Variants in MED23 observed in about 807,000 individuals in gnomAD.
MED23 encodes mediator complex subunit 23.
Under a neutral mutation model 163.9 loss-of-function variants are expected in MED23, and 105 were observed. The ratio of observed to expected loss-of-function variants is 0.64; its 90% CI spans 0.55 to 0.75. The LOEUF (loss-of-function observed/expected upper bound fraction) is 0.75, where lower values mean the gene tolerates loss of function less well. MED23 is among the 30% of genes least tolerant of loss of function. MED23 has a pLI of 0.00. For synonymous variants in MED23, 561 were observed against 565.6 expected (o/e 0.99, Z 0.12); for missense variants, 1,054 against 1,649.0 (o/e 0.64, Z 6.25).
chr6:131,592,416 G>A lies in MED23; in HGVS notation c.3443C>T (p.Ala1148Val). 1 of 1,613,926 alleles carries A rather than the reference G, an allele frequency of 6.2e-7. No homozygotes were observed. Among genetic ancestry groups the A allele is most frequent in the Non-Finnish European group, 8.5e-7 (1 of 1,179,940 alleles). The change falls in exon 25 of 29, where the codon GCA (alanine) becomes GTA (valine). Residue 1148 changes from alanine to valine, a missense_variant. Transcript: ENST00000368068. Reference protein sequence around the residue: ...PRENITAWMNAIGLIITALPE... With the variant: ...PRENITAWMNVIGLIITALPE... ...TAGGGCAGTGATGATCAAACCAATT[G>A]CATTCATCCATGCTGTAATGTTCTC...
At chr6:131,605,199 C>G (rs564045731) in intron 14 of MED23, 41 bp downstream of exon 14, 11 of 1,601,178 alleles carry the variant, frequency 6.9e-6, no homozygotes, top group Non-Finnish European at 8.6e-6. Flanking sequence ...ATACTCGTAT[C>G]AATTCCCTGA....
In MED23 at chr6:131,622,185, G is replaced by A. The variant is rs566734636; in HGVS notation, c.397-206C>T. On this transcript the variant is annotated intron_variant, in intron 5 of 28. Coordinates refer to ENST00000368068, the MANE Select transcript of MED23 (RefSeq NM_004830.4). The stretch of plus-strand genomic sequence containing the variant: ...TAAAGACTGTCTTAAAATACAATGA[G>A]CAAAGAAAGTCATTATACAGTTTGT... Among the ~76,000 whole-genome samples the A allele has an allele frequency of 3.3e-5, 5 of 152,246 alleles. No individual in the cohort carries two copies. The East Asian group carries it at 9.6e-4, about 29-fold the overall frequency.
downstream of MED23, chr6:131,583,099 G>A: frequency 1.9e-6 from 3 of 1,613,772 alleles, no homozygotes; most frequent in Non-Finnish European, 1.7e-6. Context: ...ACTTTTCAAT[G>A]ACTGAAGTGG....
downstream of MED23, chr6:131,583,487 A>C (rs111253965): frequency 8.4e-5 from 136 of 1,614,106 alleles, 2 homozygotes; most frequent in African/African-American, 1.6e-3. Flanking sequence ...AAATCTACAA[A>C]ACAGGTAGTT....
chr6:131,582,808 C>A, downstream of MED23: 1 of 1,031,772 alleles, frequency 9.7e-7, no homozygotes, highest in Non-Finnish European at 1.5e-6. Context: ...GAAAATTAAA[C>A]ATCAAGACAC....
At chr6:131,619,140 G>C (rs1416319450) in intron 8 of MED23, among the ~76,000 whole-genome samples, 6 of 152,088 alleles carry the variant, frequency 3.9e-5, no homozygotes, top group Admixed American at 3.9e-4. Context: ...TTCACTACAT[G>C]ATATCAATAT....
chr6:131,602,422 A>C, intron 16 of MED23, 41 bp from the exon 17 acceptor site: 1 of 1,572,808 alleles, frequency 6.4e-7, no homozygotes, highest in Non-Finnish European at 8.7e-7. Flanking sequence ...AAAAAATTTC[A>C]GAATTATGGA....
At chr6:131,595,002 T>C (rs1218156607) in intron 22 of MED23, among the ~76,000 whole-genome samples, 2 of 152,190 alleles carry the variant, frequency 1.3e-5, no homozygotes, top group Non-Finnish European at 2.9e-5. Flanking sequence ...AAAATGTTTT[T>C]AAAAGAACGC....
chr6:131,624,492 T>C (rs1304127533), intron 4 of MED23, among the ~76,000 whole-genome samples: 1 of 152,188 alleles, frequency 6.6e-6, no homozygotes, highest in East Asian at 1.9e-4. Flanking sequence ...TCACAATCAT[T>C]ATGACCTTGA....
At chr6:131,615,288 G>A (rs749484265) in intron 10 of MED23, 7 of 1,607,492 alleles carry the variant, frequency 4.4e-6, no homozygotes, top group South Asian at 2.2e-5. Context: ...CCAGCGTATC[G>A]TTAGTCACAA....
At chr6:131,608,723 A>G (rs1307030459) in intron 11 of MED23, among the ~76,000 whole-genome samples, 1 of 152,150 alleles carries the variant, frequency 6.6e-6, no homozygotes, top group African/African-American at 2.4e-5. Flanking sequence ...TGTACATTAT[A>G]ACAGAAACTA....
Position 131,594,349 on chromosome 6 carries a change from A to G in MED23, c.2996-14T>C. ...TCACTGGACGATCTGCCAAGAAAAAAACATACCACCACAATGTTTAACTGG... is the reference window on the plus strand; with the variant it reads ...TCACTGGACGATCTGCCAAGAAAAAGACATACCACCACAATGTTTAACTGG... On this transcript the variant is annotated splice_polypyrimidine_tract_variant and intron_variant, in intron 22 of 28. Transcript: ENST00000368068. The G allele has an allele frequency of 6.4e-7, 1 of 1,568,570 alleles. No homozygotes were observed. Among genetic ancestry groups the G allele is most frequent in the Non-Finnish European group, 8.8e-7 (1 of 1,138,456 alleles).
chr6:131,602,196 T>G, intron 17 of MED23, 22 bp downstream of exon 17: 3 of 1,611,788 alleles, frequency 1.9e-6, no homozygotes, highest in Non-Finnish European at 2.5e-6. Flanking sequence ...TGTTGTTGTT[T>G]GTAGTCACAT....
downstream of MED23, among the ~76,000 whole-genome samples, chr6:131,582,068 T>C (rs1264621807): frequency 6.6e-6 from 1 of 152,224 alleles, no homozygotes; most frequent in African/African-American, 2.4e-5. Context: ...TTGGTCCTTA[T>C]GATGATACAA....
At chr6:131,622,884 T>C (rs535695720) in intron 5 of MED23, among the ~76,000 whole-genome samples, 1 of 152,168 alleles carries the variant, frequency 6.6e-6, no homozygotes, top group South Asian at 2.1e-4. Context: ...CCCTAAGCCG[T>C]TTTATGAGAC....
chr6:131,583,991 C>T, downstream of MED23: 2 of 1,474,338 alleles, frequency 1.4e-6, no homozygotes, highest in Non-Finnish European at 1.9e-6. Context: ...AGTTATCCTT[C>T]TAAAGACTTG....
chr6:131,597,296 G>A (rs976339046), intron 20 of MED23, among the ~76,000 whole-genome samples: 1 of 151,808 alleles, frequency 6.6e-6, no homozygotes, highest in Non-Finnish European at 1.5e-5. Context: ...CTAACACGGT[G>A]AAACCCCATC....
chr6:131,620,052 C>T (rs1272522695), intron 7 of MED23, among the ~76,000 whole-genome samples, 156 bp from the exon 8 acceptor site: 1 of 152,134 alleles, frequency 6.6e-6, no homozygotes, highest in Non-Finnish European at 1.5e-5. Flanking sequence ...TTGCTTCCTT[C>T]TAAAAAATCA....
Position 131,596,531 on chromosome 6 carries a change from A to G in MED23, c.2765T>C (p.Met922Thr). Reference sequence around the variant, plus strand: ...TAGGACTAGTACCTTGTGATAATTCATGTGCTTGGTGTGCCAGTCATTCTG... The same window carrying G: ...TAGGACTAGTACCTTGTGATAATTCGTGTGCTTGGTGTGCCAGTCATTCTG... ...WLQNDWHTKH[M>T]NYHKKYPEKL... The change falls in exon 21 of 29, where the codon ATG (methionine) becomes ACG (threonine). Residue 922 changes from methionine to threonine, a missense_variant. By Grantham distance (81) the Met-to-Thr change is moderately conservative. Around this residue, in one of 11 missense-constraint regions of MED23, gnomAD observed 228 missense variants for 461.3 expected, o/e 0.49. Coordinates refer to ENST00000368068, the MANE Select transcript of MED23 (RefSeq NM_004830.4). The G allele has an allele frequency of 6.2e-7, 1 of 1,614,150 alleles. No homozygotes were observed. The highest frequency in any genetic ancestry group is 1.3e-5 in the African/African-American group (1 of 75,056).
Sources: gnomAD v4.1 joint callset for allele counts (sites outside exome capture counted in the v4.1 genomes callset) on GRCh38, gnomAD v4.1.1 for gene constraint, gnomAD v4.1.1 regional missense constraint, MANE v1.5 for transcripts, NCBI Gene and HGNC (gene_info 2026-07-23, HGNC 2026-07-21) for gene names.